Variants in USP47 observed in about 807,000 individuals in gnomAD.
USP47 encodes the protein ubiquitin carboxyl-terminal hydrolase 47.
Under a neutral mutation model 165.1 loss-of-function variants are expected in USP47, and 35 were observed. The observed-to-expected ratio is 0.21, with a 90% CI of 0.16 to 0.28. The LOEUF is 0.28. USP47 is among the 10% of genes least tolerant of loss of function. The pLI is 1.00. For synonymous variants in USP47, 531 were observed against 544.5 expected, an observed-to-expected ratio of 0.98 and a Z score of 0.35; for missense variants, 1,277 against 1,607.4, an observed-to-expected ratio of 0.79 and a Z score of 3.52.
intron 8 of USP47, among the ~76,000 whole-genome samples, chr11:11,919,353 A>G (rs999738452): frequency 6.6e-6 from 1 of 151,944 alleles, no homozygotes; most frequent in African/African-American, 2.4e-5. Flanking sequence ...CCCATGTGTG[A>G]AGAAAAGAGA....
intron 11 of USP47, among the ~76,000 whole-genome samples, chr11:11,928,375 A>G (rs1854411158): frequency 6.6e-6 from 1 of 152,088 alleles, no homozygotes. Context: ...CCACAAAACA[A>G]GTTTTCAGAC....
At chr11:11,925,631 A>G (rs1854184221) in intron 11 of USP47, among the ~76,000 whole-genome samples, 1 of 140,080 alleles carries the variant, frequency 7.1e-6, no homozygotes, top group Non-Finnish European at 1.6e-5. Context: ...TTTACTTGTT[A>G]GGGTTTTTTT....
In USP47 at chr11:11,956,292, T is replaced by A; in HGVS notation, c.*117T>A. 1 of 1,072,716 alleles carries A rather than the reference T, an allele frequency of 9.3e-7. No individual in the cohort carries two copies. Among genetic ancestry groups the A allele is most frequent in the Non-Finnish European group, 1.4e-6 (1 of 731,264 alleles). 66.4% of individuals were successfully genotyped at this position (1,072,716 alleles called of 1,614,324 possible). A position where few individuals can be genotyped will look rare whatever the true frequency, so the allele number is the denominator to read the frequency against. On this transcript the variant is annotated 3_prime_UTR_variant, in exon 28 of 28. Transcript: ENST00000527733. ...TGGGGTAACCCAGTGACACCAGCACTGATTGGACTGCCCTACACCAATCAG... is the reference window on the plus strand; with the variant it reads ...TGGGGTAACCCAGTGACACCAGCACAGATTGGACTGCCCTACACCAATCAG...
chr11:11,909,413 A>G (rs1272253488), intron 8 of USP47, among the ~76,000 whole-genome samples: 1 of 152,214 alleles, frequency 6.6e-6, no homozygotes, highest in Non-Finnish European at 1.5e-5. Flanking sequence ...AGTTCTAAGT[A>G]TATTCTAGTA....
intron 1 of USP47, among the ~76,000 whole-genome samples, chr11:11,874,305 T>C (rs1850251565): frequency 6.6e-6 from 1 of 152,196 alleles, no homozygotes; most frequent in Non-Finnish European, 1.5e-5. Context: ...TAATACTTGA[T>C]TTTCCTTCAG....
Position 11,930,026 on chromosome 11 carries a change from C to A in USP47, c.1519-18C>A, listed in dbSNP as rs1424603599. On this transcript the variant is annotated intron_variant, in intron 12 of 27. Transcript: ENST00000527733. ...GTGTTATAGAATTTGCAAAAAAAATCATGTAACACATTTTCAGATAACACA... is the reference window on the plus strand; with the variant it reads ...GTGTTATAGAATTTGCAAAAAAAATAATGTAACACATTTTCAGATAACACA... 1.2e-6 allele frequency: 2 copies of A among 1,608,584 alleles called. No individual in the cohort carries two copies. Among genetic ancestry groups the A allele is most frequent in the East Asian group, 2.2e-5 (1 of 44,784 alleles).
chr11:11,860,243 G>C (rs1043347345), intron 1 of USP47, among the ~76,000 whole-genome samples: 1 of 151,748 alleles, frequency 6.6e-6, no homozygotes, highest in East Asian at 1.9e-4. Context: ...TCTGCTTCCC[G>C]GGTTCAAGCG....
chr11:11,870,803 G>A (rs918010804), intron 1 of USP47, among the ~76,000 whole-genome samples: 1 of 151,848 alleles, frequency 6.6e-6, no homozygotes, highest in Non-Finnish European at 1.5e-5. Context: ...ATAGTTTCTT[G>A]TGCTGTGTCT....
intron 2 of USP47, among the ~76,000 whole-genome samples, chr11:11,880,640 T>C (rs1850766655): frequency 6.6e-6 from 1 of 152,156 alleles, no homozygotes; most frequent in Non-Finnish European, 1.5e-5. Context: ...CTCATAATAT[T>C]GTCTCAACTA....
intron 3 of USP47, among the ~76,000 whole-genome samples, chr11:11,885,685 A>G (rs1038676099): frequency 6.6e-6 from 1 of 152,190 alleles, no homozygotes; most frequent in African/African-American, 2.4e-5. Context: ...TGGGAAGTCC[A>G]TACATAAATA....
intron 4 of USP47, among the ~76,000 whole-genome samples, chr11:11,894,386 GTGGT>G (rs1197333044): frequency 2.6e-5 from 4 of 152,074 alleles, no homozygotes; most frequent in Non-Finnish European, 4.4e-5. Flanking sequence ...AACCCAGGAG[GTGGT>G]TGCAGTGAGC....
At chr11:11,940,610 C>A in intron 19 of USP47, 62 bp downstream of exon 19, 1 of 1,553,088 alleles carries the variant, frequency 6.4e-7, no homozygotes, top group South Asian at 1.1e-5. Context: ...AAATTAGGTT[C>A]AATATTATAA....
At chr11:11,926,286 C>A (rs1347378964) in intron 11 of USP47, among the ~76,000 whole-genome samples, 1 of 152,098 alleles carries the variant, frequency 6.6e-6, no homozygotes, top group African/African-American at 2.4e-5. Flanking sequence ...TGATAAAATT[C>A]TCTAGCAAAG....
Position 11,933,107 on chromosome 11 carries a change from TACATGCAAGGTTG to T in USP47, c.1757_1764+5del. ...AGAGACAACGAGAAATTGAGCGCAA[TACATGCAAGGTTG>T]AATTCCATCATTTTATTTTTAATTG... is the stretch of plus-strand genomic sequence containing the variant. On this transcript the variant is annotated splice_donor_variant and splice_donor_region_variant and coding_sequence_variant and intron_variant, in exon 15 of 28. Transcript: ENST00000527733. LOFTEE classifies it high-confidence loss of function. 1 of 1,612,698 alleles carries T rather than the reference TACATGCAAGGTTG, an allele frequency of 6.2e-7. No homozygotes were observed. The highest frequency in any genetic ancestry group is 8.5e-7 in the Non-Finnish European group (1 of 1,179,256).
chr11:11,940,327 T>C, intron 18 of USP47, 102 bp from the exon 19 acceptor site: 1 of 1,219,964 alleles, frequency 8.2e-7, no homozygotes, highest in South Asian at 2.0e-5. Context: ...TTCTCTCTGC[T>C]GCTTTTAAGA....
intron 20 of USP47, among the ~76,000 whole-genome samples, chr11:11,947,679 A>G (rs976214555): frequency 1.1e-4 from 17 of 152,198 alleles, no homozygotes; most frequent in Non-Finnish European, 2.4e-4. Flanking sequence ...AAGAATTCCT[A>G]GAAGCTTGTT....
intron 19 of USP47, among the ~76,000 whole-genome samples, chr11:11,942,038 GA>G (rs1855508277): frequency 6.6e-6 from 1 of 152,096 alleles, no homozygotes; most frequent in African/African-American, 2.4e-5. Flanking sequence ...TTCCTAAAGA[GA>G]AGGATATATA....
At chr11:11,905,023 G>A (rs948061311) in intron 7 of USP47, among the ~76,000 whole-genome samples, 1 of 151,834 alleles carries the variant, frequency 6.6e-6, no homozygotes, top group African/African-American at 2.4e-5. Flanking sequence ...TGATAGGTTA[G>A]GATTTACTCT....
rs879556356 is a variant in USP47 at position 11,841,990 on chromosome 11, A to AGCGGCGGCGGCGGCG, written c.-191_-177dup. 70 of 531,388 alleles carry AGCGGCGGCGGCGGCG rather than the reference A, an allele frequency of 1.3e-4. No individual in the cohort carries two copies. The highest frequency in any genetic ancestry group is 1.3e-3 in the African/African-American group (64 of 50,002). The allele number at this position is 531,388 out of a possible 1,614,324, so 32.9% of individuals were successfully genotyped here. ...GGCCGACGACGAAGGCGGCTGTGGTAGCGGCGGCGGCGGCGGCGGAGCCCT... is the reference window on the plus strand; with the variant it reads ...GGCCGACGACGAAGGCGGCTGTGGTAGCGGCGGCGGCGGCGGCGGCGGCGGCGGCGGCGGAGCCCT... On this transcript the variant is annotated 5_prime_UTR_variant, in exon 1 of 28. Transcript: ENST00000527733.
Sources: allele counts gnomAD v4.1 joint callset (sites outside exome capture counted in the v4.1 genomes callset), GRCh38; gene constraint gnomAD v4.1.1; transcripts MANE v1.5; gene names NCBI Gene and HGNC (gene_info 2026-07-23, HGNC 2026-07-21).